Variants in GNAQ observed in about 807,000 individuals in gnomAD.
The protein encoded by GNAQ is guanine nucleotide-binding protein G(q) subunit alpha.
GNAQ carries 8 observed loss-of-function variants against 43.9 expected under a neutral mutation model. The observed-to-expected ratio is 0.18, with a 90% CI of 0.11 to 0.33. The LOEUF is 0.33. Ranked by LOEUF, GNAQ falls within the 10% of genes least tolerant of loss-of-function variation. GNAQ has a pLI of 1.00. For missense variants in GNAQ, 158 were observed against 450.8 expected (o/e 0.35, Z 5.88); for synonymous variants, 155 against 170.7 (o/e 0.91, Z 0.71).
chr9:77,809,683 C>T (rs572615987), intron 3 of GNAQ, among the ~76,000 whole-genome samples: 1 of 152,308 alleles, frequency 6.6e-6, no homozygotes, highest in Non-Finnish European at 1.5e-5. Flanking sequence ...AACTGCTTAT[C>T]CATTATCTGG....
chr9:78,002,361 A>C (rs1016630839), intron 1 of GNAQ, among the ~76,000 whole-genome samples: 12 of 152,186 alleles, frequency 7.9e-5, no homozygotes, highest in Non-Finnish European at 1.3e-4. Context: ...CAAAGAGAAG[A>C]ACACACCCCC....
intron 1 of GNAQ, among the ~76,000 whole-genome samples, chr9:78,008,722 G>A (rs189443620): frequency 6.6e-6 from 1 of 152,226 alleles, no homozygotes; most frequent in African/African-American, 2.4e-5. Context: ...GGGTTCAAGC[G>A]ATTCTCCCAC....
At chr9:77,826,000 C>A (rs1159246576) in intron 2 of GNAQ, among the ~76,000 whole-genome samples, 1 of 151,948 alleles carries the variant, frequency 6.6e-6, no homozygotes, top group Non-Finnish European at 1.5e-5. Flanking sequence ...ACAACAAAAA[C>A]AAAAAACACA....
chr9:78,021,180 C>T (rs1415227300), intron 1 of GNAQ, among the ~76,000 whole-genome samples: 4 of 151,912 alleles, frequency 2.6e-5, no homozygotes, highest in Non-Finnish European at 5.9e-5. Flanking sequence ...CATGGGCACC[C>T]ACGCCCAGCT....
intron 1 of GNAQ, among the ~76,000 whole-genome samples, chr9:77,928,332 G>A (rs565395582): frequency 1.3e-5 from 2 of 152,256 alleles, no homozygotes; most frequent in South Asian, 4.1e-4. Context: ...TCCCCAGCAT[G>A]GTCGTGCAGA....
At chr9:77,847,502 T>A (rs1827606478) in intron 2 of GNAQ, among the ~76,000 whole-genome samples, 1 of 151,936 alleles carries the variant, frequency 6.6e-6, no homozygotes, top group Non-Finnish European at 1.5e-5. Flanking sequence ...ACAGCAGATA[T>A]CAAAAAGGAA....
chr9:77,734,865 G>A (rs924040629), intron 5 of GNAQ, among the ~76,000 whole-genome samples: 3 of 152,098 alleles, frequency 2.0e-5, no homozygotes, highest in Admixed American at 6.5e-5. Context: ...CTATAAAGTC[G>A]ACTGCTCAGT....
intron 5 of GNAQ, among the ~76,000 whole-genome samples, chr9:77,748,596 G>A (rs1825765812): frequency 6.6e-6 from 1 of 152,166 alleles, no homozygotes; most frequent in Non-Finnish European, 1.5e-5. Context: ...TAGCCTAAGT[G>A]GTATCTGTAA....
At chr9:77,886,523 T>TA (rs1828309341) in intron 2 of GNAQ, among the ~76,000 whole-genome samples, 1 of 152,078 alleles carries the variant, frequency 6.6e-6, no homozygotes, top group South Asian at 2.1e-4. Context: ...TTGAATTTTT[T>TA]AAAAAAGAGG....
chr9:77,844,679 TA>T (rs1200709376), intron 2 of GNAQ, among the ~76,000 whole-genome samples: 5 of 152,190 alleles, frequency 3.3e-5, no homozygotes, highest in African/African-American at 1.2e-4. Flanking sequence ...TTTATTTTGT[TA>T]TTTTTTTTTG....
At chr9:77,899,095 T>TTTTTG (rs776145398) in intron 2 of GNAQ, among the ~76,000 whole-genome samples, 1 of 152,138 alleles carries the variant, frequency 6.6e-6, no homozygotes, top group African/African-American at 2.4e-5. Flanking sequence ...CTCACCCGTT[T>TTTTTG]TTTTGTTTTG....
At chr9:77,744,018 C>T (rs765382521) in intron 5 of GNAQ, among the ~76,000 whole-genome samples, 2 of 152,186 alleles carry the variant, frequency 1.3e-5, no homozygotes, top group African/African-American at 4.8e-5. Flanking sequence ...AGAAATCATA[C>T]ATAGTCTAAA....
chr9:77,720,020 T>C lies in GNAQ; in HGVS notation c.*1303A>G, dbSNP rs572165979. On this transcript the variant is annotated 3_prime_UTR_variant, in exon 7 of 7. Transcript: ENST00000286548. ...ATTGAACTTAAAGAACCACTGAGAG[T>C]AAAACTGGTTTCAAATAAAGAGACA... The C allele has an allele frequency of 1.3e-5, 3 of 232,412 alleles. No individual in the cohort carries two copies. Among genetic ancestry groups the C allele is most frequent in the African/African-American group, 6.6e-5 (3 of 45,342 alleles). The allele number at this position is 232,412 out of a possible 1,614,324, so 14.4% of individuals were successfully genotyped here.
chr9:77,901,327 C>T (rs917725347), intron 2 of GNAQ, among the ~76,000 whole-genome samples: 1 of 152,202 alleles, frequency 6.6e-6, no homozygotes, highest in Admixed American at 6.5e-5. Context: ...AATTCCCCTA[C>T]ACCTTTACAG....
intron 2 of GNAQ, among the ~76,000 whole-genome samples, chr9:77,888,620 C>T (rs1159357736): frequency 6.6e-6 from 1 of 152,106 alleles, no homozygotes; most frequent in African/African-American, 2.4e-5. Context: ...GGTTGGAGTT[C>T]TGCTTGCCTT....
chr9:77,912,616 T>G (rs7028873), intron 2 of GNAQ, among the ~76,000 whole-genome samples: 1 of 151,872 alleles, frequency 6.6e-6, no homozygotes, highest in Non-Finnish European at 1.5e-5. Flanking sequence ...AGCCACAAAA[T>G]AGACATCTGT....
At chr9:77,771,445 A>C (rs1046606246) in intron 5 of GNAQ, among the ~76,000 whole-genome samples, 3 of 152,228 alleles carry the variant, frequency 2.0e-5, no homozygotes, top group Non-Finnish European at 4.4e-5. Context: ...AGAGAATTAA[A>C]ATTAAGAGGC....
intron 1 of GNAQ, among the ~76,000 whole-genome samples, chr9:77,957,565 G>A (rs1181593023): frequency 6.6e-6 from 1 of 152,106 alleles, no homozygotes; most frequent in Non-Finnish European, 1.5e-5. Flanking sequence ...AAAAGCAAGG[G>A]GAATTTGCTT....
At chr9:77,827,748 C>T (rs559385589) in intron 2 of GNAQ, among the ~76,000 whole-genome samples, 105 of 152,040 alleles carry the variant, frequency 6.9e-4, no homozygotes, top group Non-Finnish European at 1.3e-3. Flanking sequence ...TTAAAAATTC[C>T]CTTTACTTGT....
Sources: gnomAD v4.1 joint callset for allele counts (sites outside exome capture counted in the v4.1 genomes callset) on GRCh38, gnomAD v4.1.1 for gene constraint, MANE v1.5 for transcripts, NCBI Gene and HGNC (gene_info 2026-07-23, HGNC 2026-07-21) for gene names.